The following MAD2L1 variants were observed in gnomAD, a reference collection of about 807,000 sequenced individuals.
MAD2L1 encodes the protein mitotic arrest deficient 2 like 1.
In MAD2L1, 10 loss-of-function variants were observed where a neutral mutation model predicts 25.9. The observed-to-expected ratio is 0.39, with a 90% CI of 0.24 to 0.66. The LOEUF is 0.66. Ranked by LOEUF, MAD2L1 falls within the 30% of genes least tolerant of loss-of-function variation. The pLI, the probability that MAD2L1 is intolerant of heterozygous loss-of-function variation, is 0.49. For synonymous variants in MAD2L1, 81 were observed against 91.8 expected (o/e 0.88, Z 0.67); for missense variants, 180 against 246.4 (o/e 0.73, Z 1.80).
At chr4:120,064,937 G>A (rs1207545599) in intron 2 of MAD2L1, among the ~76,000 whole-genome samples, 1 of 151,950 alleles carries the variant, frequency 6.6e-6, no homozygotes, top group Non-Finnish European at 1.5e-5. Context: ...AGATCAAATG[G>A]GAGAAACACT....
At position 120,059,455 on chromosome 4, in the gene MAD2L1, T is replaced by C. The variant is rs1194286097; in HGVS notation, c.*663A>G. On this transcript the variant is annotated 3_prime_UTR_variant, in exon 5 of 5. Transcript: ENST00000296509. Reference sequence around the variant, plus strand: ...CAAATTTAAAACAAACTTAACTTTATTTCCTCACTTTCACTTAAAACTTGA... The same window carrying C: ...CAAATTTAAAACAAACTTAACTTTACTTCCTCACTTTCACTTAAAACTTGA... 1.3e-5 allele frequency: 2 copies of C among 152,198 alleles called. No individual in the cohort carries two copies. The highest frequency in any genetic ancestry group is 2.4e-5 in the African/African-American group (1 of 41,460). 9.4% of individuals were successfully genotyped at this position (152,198 alleles called of 1,614,324 possible). A position where few individuals can be genotyped will look rare whatever the true frequency, so the allele number is the denominator to read the frequency against.
In MAD2L1 at chr4:120,060,363, T is replaced by C. The variant is rs1726192670; in HGVS notation, c.446-73A>G. On this transcript the variant is annotated intron_variant, in intron 4 of 4. Transcript: ENST00000296509. ...AACTAATCTTGCTGCCTCTCTTCTA[T>C]TTTGAACCACTCACTGCTGGAAAAG... is the stretch of plus-strand genomic sequence containing the variant. The C allele has an allele frequency of 1.5e-5, 19 of 1,259,448 alleles. No individual in the cohort carries two copies. The South Asian group carries it at 2.9e-4, about 19-fold the overall frequency. The allele number at this position is 1,259,448 out of a possible 1,614,324, so 78.0% of individuals were successfully genotyped here. A position where few individuals can be genotyped will look rare whatever the true frequency, so the allele number is the denominator to read the frequency against.
chr4:120,061,161 C>T (rs554742221), intron 3 of MAD2L1, 184 bp from the exon 4 acceptor site: 11 of 470,048 alleles, frequency 2.3e-5, no homozygotes, highest in African/African-American at 2.0e-4. Context: ...CTAGTAGGCA[C>T]AACATTCATC....
At position 120,056,943 on chromosome 4, in the gene MAD2L1, A is replaced by G. The variant is rs956528762; in HGVS notation, c.*3175T>C. 1 of 152,234 alleles carries G rather than the reference A, an allele frequency of 6.6e-6. No homozygotes were observed. Among genetic ancestry groups the G allele is most frequent in the African/African-American group, 2.4e-5 (1 of 41,466 alleles). 9.4% of individuals were successfully genotyped at this position (152,234 alleles called of 1,614,324 possible). A position where few individuals can be genotyped will look rare whatever the true frequency, so the allele number is the denominator to read the frequency against. The stretch of plus-strand genomic sequence containing the variant: ...GTTTGAGATACTATGGATGGAGGCA[A>G]CAAACGATGTTTTACAAGTGAGCTT... On this transcript the variant is annotated 3_prime_UTR_variant, in exon 5 of 5. Coordinates refer to ENST00000296509, the MANE Select transcript of MAD2L1 (RefSeq NM_002358.4).
Position 120,056,425 on chromosome 4 carries a change from TA to T in MAD2L1, c.*3692del, listed in dbSNP as rs1458633103. On this transcript the variant is annotated 3_prime_UTR_variant, in exon 5 of 5. Transcript: ENST00000296509. ...CAAAAGAAAGTCATCTTAATTTGAA[TA>T]TTACAGCATTAGTGACATCTGGTGG... is the stretch of plus-strand genomic sequence containing the variant. The T allele has an allele frequency of 6.6e-6, 1 of 152,200 alleles. No individual in the cohort carries two copies. Among genetic ancestry groups the T allele is most frequent in the Admixed American group, 6.5e-5 (1 of 15,274 alleles). 9.4% of individuals were successfully genotyped at this position (152,200 alleles called of 1,614,324 possible).
At position 120,065,708 on chromosome 4, in the gene MAD2L1, TG is replaced by T; in HGVS notation, c.183del (p.Ile62Ter). 6.2e-7 allele frequency: 1 copy of T among 1,613,936 alleles called. No homozygotes were observed. The highest frequency in any genetic ancestry group is 1.1e-5 in the South Asian group (1 of 91,072). On this transcript the variant is annotated frameshift_variant, in exon 2 of 5. Transcript: ENST00000296509. LOFTEE classifies it high-confidence loss of function. Reference sequence around the variant, plus strand: ...TCCACCACATTATTTAGGTATTTTATGAGCTCAAGATCAGTAGTTACAAGCA... The same window carrying T: ...TCCACCACATTATTTAGGTATTTTATAGCTCAAGATCAGTAGTTACAAGCA... ...LTLLVTTDLE[L>X]IKYLNNVVEQ...
At chr4:120,065,503 T>C (rs974034289) in intron 2 of MAD2L1, 169 bp downstream of exon 2, 5 of 549,844 alleles carry the variant, frequency 9.1e-6, no homozygotes, top group African/African-American at 3.8e-5. Flanking sequence ...ACTCACAATG[T>C]AGTGGGTGGG....
Position 120,065,796 on chromosome 4 carries a change from T to C in MAD2L1, c.96A>G (p.Leu32=), listed in dbSNP as rs758541913. The C allele has an allele frequency of 1.5e-5, 25 of 1,613,716 alleles. No homozygotes were observed. The highest frequency in any genetic ancestry group is 7.7e-5 in the South Asian group (7 of 91,040). ...CAGATGGATATATGCCACGCTGATA[T>C]AAAATGCTGTTGATGCCGAATGCTG... is the stretch of plus-strand genomic sequence containing the variant. ...EFFSFGINSI[L]YQRGIYPSET... Residue 32 remains leucine (L), a synonymous_variant, in exon 2 of 5, where the codon TTA becomes TTG. Coordinates refer to ENST00000296509, the MANE Select transcript of MAD2L1 (RefSeq NM_002358.4).
In MAD2L1 at chr4:120,056,024, G is replaced by A. The variant is rs995716840; in HGVS notation, c.*4094C>T. ...CTGAACACTTTATTGCTAAAAGGAT[G>A]TAAAGGGTAAGAGGAAAAAGGTGAC... On this transcript the variant is annotated 3_prime_UTR_variant, in exon 5 of 5. Transcript: ENST00000296509. 2 of 152,216 alleles carry A rather than the reference G, an allele frequency of 1.3e-5. No homozygotes were observed. Among genetic ancestry groups the A allele is most frequent in the African/African-American group, 4.8e-5 (2 of 41,458 alleles). 9.4% of individuals were successfully genotyped at this position (152,216 alleles called of 1,614,324 possible). A position where few individuals can be genotyped will look rare whatever the true frequency, so the allele number is the denominator to read the frequency against.
At position 120,056,231 on chromosome 4, in the gene MAD2L1, C is replaced by T. The variant is rs1352705443; in HGVS notation, c.*3887G>A. Reference sequence around the variant, plus strand: ...CACAATTTGCATGCCCATTGACCCCCAGTTTTACTTGTGCACAAAAGCATG... The same window carrying T: ...CACAATTTGCATGCCCATTGACCCCTAGTTTTACTTGTGCACAAAAGCATG... On this transcript the variant is annotated 3_prime_UTR_variant, in exon 5 of 5. Transcript: ENST00000296509. 1 of 152,194 alleles carries T rather than the reference C, an allele frequency of 6.6e-6. No homozygotes were observed. The highest frequency in any genetic ancestry group is 1.5e-5 in the Non-Finnish European group (1 of 68,024). 9.4% of individuals were successfully genotyped at this position (152,194 alleles called of 1,614,324 possible).
intron 2 of MAD2L1, 105 bp from the exon 3 acceptor site, chr4:120,062,200 A>G (rs985276361): frequency 1.2e-4 from 117 of 991,802 alleles, no homozygotes; most frequent in Admixed American, 2.6e-5. Context: ...TACCACTGCT[A>G]TCTGGGACCT....
At chr4:120,063,805 T>A (rs543886864) in intron 2 of MAD2L1, among the ~76,000 whole-genome samples, 1 of 152,094 alleles carries the variant, frequency 6.6e-6, no homozygotes, top group South Asian at 2.1e-4. Flanking sequence ...AGGTCAGGAG[T>A]TCGACACCAG....
intron 2 of MAD2L1, among the ~76,000 whole-genome samples, chr4:120,064,192 T>C (rs1726274945): frequency 6.6e-6 from 1 of 152,174 alleles, no homozygotes; most frequent in Admixed American, 6.5e-5. Flanking sequence ...CACACATCCA[T>C]AGTTGTCTAG....
At chr4:120,060,638 A>G (rs1490765191) in intron 4 of MAD2L1, among the ~76,000 whole-genome samples, 1 of 152,204 alleles carries the variant, frequency 6.6e-6, no homozygotes, top group Non-Finnish European at 1.5e-5. Flanking sequence ...GTATGTATGC[A>G]TAAGAAAAAA....
At position 120,057,437 on chromosome 4, in the gene MAD2L1, T is replaced by C. The variant is rs1726128846; in HGVS notation, c.*2681A>G. The C allele has an allele frequency of 6.6e-6, 1 of 152,272 alleles. No homozygotes were observed. Among genetic ancestry groups the C allele is most frequent in the South Asian group, 2.1e-4 (1 of 4,832 alleles). The allele number at this position is 152,272 out of a possible 1,614,324, so 9.4% of individuals were successfully genotyped here. The stretch of plus-strand genomic sequence containing the variant: ...GAAAGGTGCAGCAAAAGCCAACCAA[T>C]ACATGAGACTGTTATACCTCTGCAC... On this transcript the variant is annotated 3_prime_UTR_variant, in exon 5 of 5. Coordinates refer to ENST00000296509, the MANE Select transcript of MAD2L1 (RefSeq NM_002358.4).
intron 2 of MAD2L1, among the ~76,000 whole-genome samples, chr4:120,063,094 C>T (rs1389286230): frequency 6.6e-6 from 1 of 152,058 alleles, no homozygotes; most frequent in South Asian, 2.1e-4. Flanking sequence ...TGGAGATGAT[C>T]CTAAATTTAG....
rs1726118655 is a variant in MAD2L1 at position 120,056,823 on chromosome 4, T to G, written c.*3295A>C. On this transcript the variant is annotated 3_prime_UTR_variant, in exon 5 of 5. Transcript: ENST00000296509. ...CCCTTAACAAGTTTTCAGATCAAATTGTGAACTGTGGGGTGTGTTAGGAAG... is the reference window on the plus strand; with the variant it reads ...CCCTTAACAAGTTTTCAGATCAAATGGTGAACTGTGGGGTGTGTTAGGAAG... 2.0e-5 allele frequency: 3 copies of G among 152,168 alleles called. No individual in the cohort carries two copies. Among genetic ancestry groups the G allele is most frequent in the Admixed American group, 1.3e-4 (2 of 15,282 alleles). The allele number at this position is 152,168 out of a possible 1,614,324, so 9.4% of individuals were successfully genotyped here.
chr4:120,058,041 T>C lies in MAD2L1; in HGVS notation c.*2077A>G, dbSNP rs1429040589. On this transcript the variant is annotated 3_prime_UTR_variant, in exon 5 of 5. Transcript: ENST00000296509. Reference sequence around the variant, plus strand: ...GCCCAGCTAATTTTTATATTTTTAGTAGAGACGGGGTTTGACCATCTTGGC... The same window carrying C: ...GCCCAGCTAATTTTTATATTTTTAGCAGAGACGGGGTTTGACCATCTTGGC... The C allele has an allele frequency of 5.9e-5, 9 of 152,040 alleles. No homozygotes were observed. Among genetic ancestry groups the C allele is most frequent in the Non-Finnish European group, 1.3e-4 (9 of 68,038 alleles). 9.4% of individuals were successfully genotyped at this position (152,040 alleles called of 1,614,324 possible). A position where few individuals can be genotyped will look rare whatever the true frequency, so the allele number is the denominator to read the frequency against.
At position 120,058,565 on chromosome 4, in the gene MAD2L1, G is replaced by A. The variant is rs988967423; in HGVS notation, c.*1553C>T. Reference sequence around the variant, plus strand: ...GAATGGCTGGAATCCGGGAGGCAGAGGCTGTAGTGAGCTGAGCTGCGTCAC... The same window carrying A: ...GAATGGCTGGAATCCGGGAGGCAGAAGCTGTAGTGAGCTGAGCTGCGTCAC... On this transcript the variant is annotated 3_prime_UTR_variant, in exon 5 of 5. Transcript: ENST00000296509. The A allele has an allele frequency of 6.9e-6, 1 of 145,520 alleles. No individual in the cohort carries two copies. 9.0% of individuals were successfully genotyped at this position (145,520 alleles called of 1,614,324 possible).
Sources: gnomAD v4.1 joint callset for allele counts (sites outside exome capture counted in the v4.1 genomes callset) on GRCh38, gnomAD v4.1.1 for gene constraint, MANE v1.5 for transcripts, NCBI Gene and HGNC (gene_info 2026-07-23, HGNC 2026-07-21) for gene names.